ANK3: variants seen among roughly 807,000 people sequenced by gnomAD.
The protein encoded by ANK3 is ankyrin 3.
A neutral mutation model predicts 370.9 loss-of-function variants in ANK3; 57 were observed. That is an observed-to-expected ratio of 0.15 (90% CI 0.12 to 0.19). The LOEUF is 0.19. Among genes scored for constraint, ANK3 ranks in the 10% least tolerant of loss-of-function variants. ANK3 has a pLI of 1.00. For missense variants in ANK3, 4,439 were observed against 5,302.1 expected, an observed-to-expected ratio of 0.84 and a Z score of 5.06; for synonymous variants, 1,929 against 1,946.3, an observed-to-expected ratio of 0.99 and a Z score of 0.23.
chr10:60,317,838 C>T (rs973551066), intron 1 of ANK3, among the ~76,000 whole-genome samples: 2 of 151,740 alleles, frequency 1.3e-5, no homozygotes, highest in Non-Finnish European at 2.9e-5. Context: ...CTCAGCCTCC[C>T]GAGTAGCTGG....
rs1304141334 is a variant in ANK3, at chr10:60,648,408, C to T, written c.58-33184G>A. Among the ~76,000 whole-genome samples the T allele has an allele frequency of 7.0e-5, 10 of 142,420 alleles. No homozygotes were observed. In the East Asian group the frequency reaches 2.3e-3, roughly 33 times the overall value. The allele number at this position is 142,420 out of a possible 152,430, so 93.4% of individuals were successfully genotyped here. ...ACTCCTGACCTCATGATCTACCCCT[C>T]TCGGCCTCCCAAAGTGCTGGGATTA... On this transcript the variant is annotated intron_variant, in intron 1 of 43. Coordinates refer to the ANK3 transcript ENST00000373827.
At chr10:60,185,676 C>T (rs2096305359) in intron 17 of ANK3, among the ~76,000 whole-genome samples, 1 of 152,150 alleles carries the variant, frequency 6.6e-6, no homozygotes, top group Non-Finnish European at 1.5e-5. Context: ...AAGCTAAATG[C>T]CAGACAGGGG....
intron 16 of ANK3, among the ~76,000 whole-genome samples, chr10:60,189,475 G>C (rs1342798703): frequency 6.6e-6 from 1 of 152,138 alleles, no homozygotes; most frequent in Admixed American, 6.5e-5. Flanking sequence ...CTCCTTACCT[G>C]AGATACAAAG....
intron 27 of ANK3, chr10:60,108,228 G>T (rs748033415): frequency 2.2e-6 from 1 of 448,162 alleles, no homozygotes; most frequent in South Asian, 1.6e-5. Context: ...TGCAGGATTC[G>T]GCTAACCAAG....
chr10:60,391,810 A>G (rs2063117203), upstream of ANK3, among the ~76,000 whole-genome samples: 1 of 152,210 alleles, frequency 6.6e-6, no homozygotes, highest in African/African-American at 2.4e-5. Context: ...TTCTCTCTAG[A>G]ATAACTCTTT....
intron 21 of ANK3, among the ~76,000 whole-genome samples, chr10:60,167,740 A>G (rs1224374277): frequency 6.6e-6 from 1 of 152,034 alleles, no homozygotes; most frequent in East Asian, 1.9e-4. Flanking sequence ...TTTAAATGAG[A>G]CAACTGAAAA....
intron 7 of ANK3, among the ~76,000 whole-genome samples, chr10:60,240,323 A>G (rs1237983970): frequency 1.3e-5 from 1 of 76,984 alleles, no homozygotes; most frequent in South Asian, 4.1e-4. Flanking sequence ...TTTCTTTTTG[A>G]GATAGAGTTT....
At chr10:60,157,886 A>AAAG (rs2095385622) in intron 23 of ANK3, among the ~76,000 whole-genome samples, 15 of 132,770 alleles carry the variant, frequency 1.1e-4, no homozygotes, top group Non-Finnish European at 2.0e-4. Context: ...GAGAGAGAAA[A>AAAG]AGAGAGAGAG....
chr10:60,322,657 G>A (rs1427701570), intron 1 of ANK3, among the ~76,000 whole-genome samples: 2 of 152,022 alleles, frequency 1.3e-5, no homozygotes, highest in Admixed American at 6.6e-5. Context: ...TGTGTTTAAT[G>A]TATGTCAGAC....
intron 2 of ANK3, among the ~76,000 whole-genome samples, chr10:60,584,355 A>G (rs2077799714): frequency 6.6e-6 from 1 of 152,214 alleles, no homozygotes; most frequent in East Asian, 1.9e-4. Flanking sequence ...GTAATGGCTC[A>G]TGCCTGTAAT....
At chr10:60,676,627 T>C (rs1007982379) in intron 1 of ANK3, among the ~76,000 whole-genome samples, 2 of 152,192 alleles carry the variant, frequency 1.3e-5, no homozygotes, top group Non-Finnish European at 2.9e-5. Flanking sequence ...TTAATCATCA[T>C]GATTCCTTCA....
At chr10:60,272,690 G>C (rs966312435) in intron 4 of ANK3, among the ~76,000 whole-genome samples, 1 of 152,086 alleles carries the variant, frequency 6.6e-6, no homozygotes, top group African/African-American at 2.4e-5. Flanking sequence ...ATGTTGGCCA[G>C]GATGGCCTTG....
rs552832455 is a variant in ANK3 at position 60,625,932 on chromosome 10, A to T, written c.58-10708T>A. Among the ~76,000 whole-genome samples the T allele has an allele frequency of 2.8e-4, 42 of 152,354 alleles. 1 individual carries two copies. The highest frequency in any genetic ancestry group is 2.9e-5 in the Non-Finnish European group (2 of 68,034). On this transcript the variant is annotated intron_variant, in intron 1 of 43. Transcript: ENST00000373827. ...TAAAATGCTGAATGAATAAATAAACAGAGCAATGACATTCAAAGCTGTCAA... is the reference window on the plus strand; with the variant it reads ...TAAAATGCTGAATGAATAAATAAACTGAGCAATGACATTCAAAGCTGTCAA...
intron 7 of ANK3, among the ~76,000 whole-genome samples, chr10:60,235,932 C>A (rs902583643): frequency 1.3e-5 from 2 of 152,198 alleles, no homozygotes; most frequent in Non-Finnish European, 2.9e-5. Flanking sequence ...ATCTGAATTA[C>A]AATCCCCATT....
At chr10:60,690,065 G>C (rs1056982679) in intron 1 of ANK3, among the ~76,000 whole-genome samples, 2 of 152,146 alleles carry the variant, frequency 1.3e-5, no homozygotes, top group Admixed American at 6.5e-5. Flanking sequence ...GTACAAACTA[G>C]GATAAATAGT....
intron 2 of ANK3, among the ~76,000 whole-genome samples, chr10:60,532,006 T>C (rs541616894): frequency 6.6e-6 from 1 of 152,262 alleles, no homozygotes; most frequent in African/African-American, 2.4e-5. Context: ...CTGGAAGGTG[T>C]ATTTTAAACA....
intron 28 of ANK3, among the ~76,000 whole-genome samples, chr10:60,104,017 A>G (rs1437870903): frequency 6.6e-6 from 1 of 152,148 alleles, no homozygotes; most frequent in Admixed American, 6.5e-5. Flanking sequence ...ATTCTCACTT[A>G]TAAGTGGGAG....
chr10:60,169,364 G>GTTTGTTTTTTTTTTTTTTTT lies in ANK3; in HGVS notation c.2479-2469_2479-2468insAAAAAAAAAAAAAAAACAAA, dbSNP rs397844967. 3.9e-5 allele frequency among the ~76,000 whole-genome samples: 2 copies of GTTTGTTTTTTTTTTTTTTTT among 51,896 alleles called. 1 individual carries two copies. Among genetic ancestry groups the GTTTGTTTTTTTTTTTTTTTT allele is most frequent in the Non-Finnish European group, 7.3e-5 (2 of 27,520 alleles). The allele number at this position is 51,896 out of a possible 152,430, so 34.0% of individuals were successfully genotyped here. A position where few individuals can be genotyped will look rare whatever the true frequency, so the allele number is the denominator to read the frequency against. On this transcript the variant is annotated intron_variant, in intron 21 of 43. Transcript: ENST00000280772. ...TCCATCAACTGGGGCTTGTCTCATA[G>GTTTGTTTTTTTTTTTTTTTT]TTTTTTTTTTTTTTTTTTTTTTTTA...
At chr10:60,341,004 G>A (rs2054160431) in intron 1 of ANK3, among the ~76,000 whole-genome samples, 1 of 152,142 alleles carries the variant, frequency 6.6e-6, no homozygotes, top group South Asian at 2.1e-4. Flanking sequence ...AGGGTTATTT[G>A]ACTCCAGTGC....
Sources: gnomAD v4.1 joint callset for allele counts (sites outside exome capture counted in the v4.1 genomes callset) on GRCh38, gnomAD v4.1.1 for gene constraint, MANE v1.5 for transcripts, NCBI Gene and HGNC (gene_info 2026-07-23, HGNC 2026-07-21) for gene names.